Variants in SGK2 observed in about 807,000 individuals in gnomAD.
SGK2 encodes the protein serine/threonine-protein kinase Sgk2.
SGK2 carries 36 observed loss-of-function variants against 47.5 expected under a neutral mutation model. The observed-to-expected ratio is 0.76, with a 90% CI of 0.58 to 1.00. The LOEUF (loss-of-function observed/expected upper bound fraction) is 1.00. Among genes scored for constraint, SGK2 ranks in the 50% least tolerant of loss-of-function variants. The pLI, the probability that SGK2 is intolerant of heterozygous loss-of-function variation, is 0.00. For synonymous variants in SGK2, 157 were observed against 181.9 expected, an observed-to-expected ratio of 0.86 and a Z score of 1.10; for missense variants, 404 against 467.4, an observed-to-expected ratio of 0.86 and a Z score of 1.25.
In SGK2 at chr20:43,570,609, C is replaced by T. The variant is rs780413714; in HGVS notation, c.361-8C>T. ...AATAACTCCTGTCACACTCCTCCTC[C>T]CCTCCAGCTCTTCTTCCACCTGCAG... is the stretch of plus-strand genomic sequence containing the variant. On this transcript the variant is annotated splice_region_variant and splice_polypyrimidine_tract_variant and intron_variant, in intron 6 of 12. Coordinates refer to ENST00000373100, the MANE Select transcript of SGK2 (RefSeq NM_170693.3). The T allele has an allele frequency of 1.9e-6, 3 of 1,591,354 alleles. No individual in the cohort carries two copies. Among genetic ancestry groups the T allele is most frequent in the African/African-American group, 1.3e-5 (1 of 74,674 alleles).
intron 12 of SGK2, among the ~76,000 whole-genome samples, chr20:43,584,200 A>T (rs1980969511): frequency 1.3e-5 from 2 of 152,124 alleles, no homozygotes; most frequent in Admixed American, 6.6e-5. Flanking sequence ...ACATGGTGGC[A>T]TCAGGGTTAG....
rs150227453 is a variant in SGK2, at chr20:43,584,992, G to A, written c.1080G>A (p.Glu360=). The change falls in exon 13 of 13, where the codon GAG becomes GAA. Residue 360 remains glutamate (E), a synonymous_variant. Coordinates refer to ENST00000373100, the MANE Select transcript of SGK2 (RefSeq NM_170693.3). ...TCCTGGGATTTTCTTATGCGCCAGA[G>A]GATGATGACATCTTGGATTGCTAGA... ...SAFLGFSYAP[E]DDDILDC The A allele has an allele frequency of 6.2e-7, 1 of 1,613,994 alleles. No individual in the cohort carries two copies. Among genetic ancestry groups the A allele is most frequent in the Non-Finnish European group, 8.5e-7 (1 of 1,179,944 alleles).
chr20:43,563,895 A>T (rs1017952933), intron 1 of SGK2, among the ~76,000 whole-genome samples: 2 of 152,182 alleles, frequency 1.3e-5, no homozygotes, highest in Admixed American at 1.3e-4. Context: ...TCTCTGGTCA[A>T]CACTTCCAGA....
rs549036046 is a variant in SGK2, at chr20:43,568,749, G to A, written c.229-636G>A. On this transcript the variant is annotated intron_variant, in intron 5 of 12. Coordinates refer to ENST00000373100, the MANE Select transcript of SGK2 (RefSeq NM_170693.3). ...GCCTCCCAAAGTGCTGGGATTACAG[G>A]CATGAGCTACCACACTCAGCCCCAT... 3.3e-5 allele frequency among the ~76,000 whole-genome samples: 5 copies of A among 152,318 alleles called. No individual in the cohort carries two copies. The East Asian group carries it at 9.7e-4, about 29-fold the overall frequency.
intron 5 of SGK2, 83 bp downstream of exon 5, chr20:43,568,082 C>G (rs1234269687): frequency 4.5e-6 from 5 of 1,104,988 alleles, no homozygotes; most frequent in Non-Finnish European, 6.9e-6. Context: ...GGTCCCACCT[C>G]TGACAGGTCC....
chr20:43,575,051 G>A (rs1259412659), intron 10 of SGK2, 47 bp downstream of exon 10: 12 of 1,305,832 alleles, frequency 9.2e-6, no homozygotes, highest in South Asian at 3.6e-5. Context: ...CTAGGGATGG[G>A]TCTGTCTCTC....
At chr20:43,581,257 T>G (rs1344061790) in intron 12 of SGK2, among the ~76,000 whole-genome samples, 4 of 152,194 alleles carry the variant, frequency 2.6e-5, no homozygotes, top group Non-Finnish European at 5.9e-5. Flanking sequence ...TATATTATCT[T>G]CCTCCTTTTT....
intron 2 of SGK2, 128 bp from the exon 3 acceptor site, chr20:43,566,940 A>T (rs1979767540): frequency 1.4e-6 from 1 of 713,198 alleles, no homozygotes; most frequent in African/African-American, 1.8e-5. Context: ...GGCAGGTGAA[A>T]AAAAAAGAAA....
intron 6 of SGK2, among the ~76,000 whole-genome samples, chr20:43,570,222 G>T (rs1458345589): frequency 6.6e-6 from 1 of 152,150 alleles, no homozygotes; most frequent in Non-Finnish European, 1.5e-5. Flanking sequence ...AACCACGCAG[G>T]TTCAAATGCC....
chr20:43,579,011 CTTT>C (rs10523244), intron 11 of SGK2, among the ~76,000 whole-genome samples: 3 of 143,880 alleles, frequency 2.1e-5, no homozygotes, highest in African/African-American at 7.8e-5. Flanking sequence ...CTTTCGGAGG[CTTT>C]TTTTTTTTTT....
chr20:43,576,459 C>A, intron 11 of SGK2, 80 bp downstream of exon 11: 3 of 1,245,480 alleles, frequency 2.4e-6, no homozygotes, highest in Non-Finnish European at 3.4e-6. Context: ...CACATTAACA[C>A]GCATCCTGCT....
intron 4 of SGK2, 68 bp from the exon 5 acceptor site, chr20:43,567,848 G>C: frequency 6.4e-7 from 1 of 1,557,892 alleles, no homozygotes; most frequent in Non-Finnish European, 8.9e-7. Context: ...GGGCAGGCGG[G>C]AGGCCTTGTA....
chr20:43,574,961 G>A lies in SGK2; in HGVS notation c.650G>A (p.Trp217Ter), dbSNP rs1441601495. Residue 217 changes from tryptophan (W) to a stop codon, truncating the protein, a stop_gained, in exon 10 of 13, where the codon TGG (tryptophan) becomes TAG (stop). Coordinates refer to ENST00000373100, the MANE Select transcript of SGK2 (RefSeq NM_170693.3). LOFTEE classifies it high-confidence loss of function. ...GAGCCTTATGATCGAGCAGTGGACT[G>A]GTGGTGCTTGGGGGCAGTCCTCTAC... ...RKEPYDRAVD[W>*]WCLGAVLYEM... is the part of the protein sequence containing the mutation. 6.2e-7 allele frequency: 1 copy of A among 1,613,864 alleles called. No individual in the cohort carries two copies. Among genetic ancestry groups the A allele is most frequent in the South Asian group, 1.1e-5 (1 of 91,080 alleles).
chr20:43,577,253 T>C (rs1980516102), intron 11 of SGK2, among the ~76,000 whole-genome samples: 1 of 151,986 alleles, frequency 6.6e-6, no homozygotes, highest in Non-Finnish European at 1.5e-5. Flanking sequence ...TGGCCAGTTT[T>C]AGGGTGTTTT....
Position 43,579,174 on chromosome 20 carries a change from C to T in SGK2, c.850-798C>T, listed in dbSNP as rs555058899. ...CTAGGATTACAGGCACACACCACCACGCCTGGCTAATTTTTCTATTTTTGT... is the reference window on the plus strand; with the variant it reads ...CTAGGATTACAGGCACACACCACCATGCCTGGCTAATTTTTCTATTTTTGT... On this transcript the variant is annotated intron_variant, in intron 11 of 12. Transcript: ENST00000373100. Among the ~76,000 whole-genome samples, 6 of 152,172 alleles carry T rather than the reference C, an allele frequency of 3.9e-5. No homozygotes were observed. The South Asian group carries it at 6.2e-4, about 16-fold the overall frequency.
At chr20:43,562,395 G>A (rs1979440946) in intron 1 of SGK2, among the ~76,000 whole-genome samples, 1 of 141,382 alleles carries the variant, frequency 7.1e-6, no homozygotes, top group Non-Finnish European at 1.5e-5. Context: ...TCTAACCTGG[G>A]CTGCAGAGCT....
At chr20:43,569,280 G>A in intron 5 of SGK2, 105 bp from the exon 6 acceptor site, 1 of 1,440,142 alleles carries the variant, frequency 6.9e-7, no homozygotes, top group South Asian at 1.3e-5. Flanking sequence ...GCATGAGAAA[G>A]TCCTGGGTAG....
intron 12 of SGK2, among the ~76,000 whole-genome samples, chr20:43,582,089 C>T (rs1209449680): frequency 6.6e-6 from 1 of 152,172 alleles, no homozygotes; most frequent in Non-Finnish European, 1.5e-5. Flanking sequence ...ACTCTATCAC[C>T]CAGGCTGATG....
chr20:43,580,553 C>T (rs1403883496), intron 12 of SGK2, among the ~76,000 whole-genome samples: 14 of 151,642 alleles, frequency 9.2e-5, no homozygotes, highest in African/African-American at 3.4e-4. Flanking sequence ...CATAGTGAAA[C>T]CCCATCTTTA....
Sources: allele counts gnomAD v4.1 joint callset (sites outside exome capture counted in the v4.1 genomes callset), GRCh38; gene constraint gnomAD v4.1.1; transcripts MANE v1.5; gene names NCBI Gene and HGNC (gene_info 2026-07-23, HGNC 2026-07-21).